The following ABR variants were observed in gnomAD, a reference collection of about 807,000 sequenced individuals.
ABR encodes ABR activator of RhoGEF and GTPase.
In ABR, 35 loss-of-function variants were observed where a neutral mutation model predicts 107.2. The ratio of observed to expected loss-of-function variants is 0.33; its 90% CI spans 0.25 to 0.43. The LOEUF is 0.43. ABR is among the 20% of genes least tolerant of loss of function. The pLI is 1.00. For synonymous variants in ABR, 498 were observed against 462.0 expected, an observed-to-expected ratio of 1.08 and a Z score of -1.00; for missense variants, 815 against 1,115.2, an observed-to-expected ratio of 0.73 and a Z score of 3.83.
chr17:1,202,502 C>T (rs975858781), intron 1 of ABR, among the ~76,000 whole-genome samples: 10 of 152,194 alleles, frequency 6.6e-5, no homozygotes, highest in South Asian at 2.1e-4. Context: ...CAAACACACA[C>T]GTGCCCACTC....
rs756731550 is a variant in ABR at position 1,058,865 on chromosome 17, T to C, written c.1185A>G (p.Lys395=). The C allele has an allele frequency of 3.1e-6, 5 of 1,614,002 alleles. No individual in the cohort carries two copies. In the African/African-American group the frequency reaches 5.3e-5, roughly 17 times the overall value. ...TGGCCCGGCTCTGGCCTTTGTTGGC[T>C]TTCTGCAGGAGATGGGGACACAGAG... is the stretch of plus-strand genomic sequence containing the variant. The part of the protein sequence containing the change: ...SALKSEIQKE[K]ANKGQSRAIE... Residue 395 remains lysine (K), a splice_region_variant and synonymous_variant, in exon 11 of 23, where the codon AAA becomes AAG. Coordinates refer to ENST00000302538, the MANE Select transcript of ABR (RefSeq NM_021962.5).
At chr17:1,213,887 G>A (rs892246300) in intron 1 of ABR, among the ~76,000 whole-genome samples, 3 of 151,752 alleles carry the variant, frequency 2.0e-5, no homozygotes, top group African/African-American at 7.3e-5. Flanking sequence ...GATGTGAAAT[G>A]GTTTGTTTTT....
chr17:1,036,005 C>G (rs1210000777), intron 16 of ABR, among the ~76,000 whole-genome samples: 1 of 151,984 alleles, frequency 6.6e-6, no homozygotes, highest in Non-Finnish European at 1.5e-5. Flanking sequence ...GCCTCGGTGA[C>G]AGCTGGGGGT....
In ABR at chr17:1,063,475, T is replaced by C. The variant is rs1361634000; in HGVS notation, c.1182+3602A>G. Reference sequence around the variant, plus strand: ...GCTATGCATGTTCCTCTAGACGCTGTTGTTATGTGAACTGAGGGCTATGCA... The same window carrying C: ...GCTATGCATGTTCCTCTAGACGCTGCTGTTATGTGAACTGAGGGCTATGCA... On this transcript the variant is annotated intron_variant, in intron 10 of 22. Coordinates refer to ENST00000302538, the MANE Select transcript of ABR (RefSeq NM_021962.5). Among the ~76,000 whole-genome samples, 210 of 142,882 alleles carry C rather than the reference T, an allele frequency of 1.5e-3. 2 individuals are homozygous for C. The highest frequency in any genetic ancestry group is 5.0e-3 in the African/African-American group (193 of 38,650). The allele number at this position is 142,882 out of a possible 152,430, so 93.7% of individuals were successfully genotyped here. A position where few individuals can be genotyped will look rare whatever the true frequency, so the allele number is the denominator to read the frequency against.
intron 1 of ABR, among the ~76,000 whole-genome samples, chr17:1,217,707 T>G (rs2043040458): frequency 6.6e-6 from 1 of 152,162 alleles, no homozygotes; most frequent in South Asian, 2.1e-4. Flanking sequence ...TTTGTTTTGT[T>G]TTTTTGAGAC....
chr17:1,191,116 G>C (rs945007866), upstream of ABR, among the ~76,000 whole-genome samples: 3 of 152,164 alleles, frequency 2.0e-5, no homozygotes, highest in Non-Finnish European at 4.4e-5. Context: ...GTGCCCAGGG[G>C]AGAGGCTCCT....
intron 1 of ABR, among the ~76,000 whole-genome samples, chr17:1,171,707 G>A (rs1468054867): frequency 3.3e-5 from 5 of 152,134 alleles, no homozygotes; most frequent in Non-Finnish European, 7.3e-5. Context: ...CGAGGTGGGC[G>A]GATCACCTGA....
rs556217187 is a variant in ABR at position 1,136,491 on chromosome 17, A to T, written c.62-11124T>A. 2.0e-5 allele frequency among the ~76,000 whole-genome samples: 3 copies of T among 152,278 alleles called. No individual in the cohort carries two copies. In the South Asian group the frequency reaches 6.2e-4, roughly 32 times the overall value. On this transcript the variant is annotated intron_variant, in intron 1 of 22. Coordinates refer to ENST00000302538, the MANE Select transcript of ABR (RefSeq NM_021962.5). ...TGATCCACCCACCTCGGCCTCCCAC[A>T]GTGCTGGGATTACAGGCGTGAGCCA...
At chr17:1,211,329 A>G (rs149764771) in intron 1 of ABR, among the ~76,000 whole-genome samples, 1 of 151,968 alleles carries the variant, frequency 6.6e-6, no homozygotes, top group East Asian at 1.9e-4. Flanking sequence ...AAAAATAAAT[A>G]AAAATATGGA....
At chr17:1,103,410 C>T (rs1179963788) in intron 2 of ABR, among the ~76,000 whole-genome samples, 1 of 152,172 alleles carries the variant, frequency 6.6e-6, no homozygotes, top group Non-Finnish European at 1.5e-5. Flanking sequence ...ATCCCCTGTG[C>T]TGGGGGCTAG....
intron 3 of ABR, among the ~76,000 whole-genome samples, chr17:1,097,590 CAA>C (rs57256346): frequency 1.4e-3 from 150 of 104,758 alleles, no homozygotes; most frequent in African/African-American, 5.3e-3. Flanking sequence ...GACTCCGTCT[CAA>C]AAAAAAAAAA....
In ABR at chr17:1,072,719, G is replaced by T; in HGVS notation, c.789C>A (p.Asp263Glu). 6.2e-7 allele frequency: 1 copy of T among 1,613,836 alleles called. No individual in the cohort carries two copies. The highest frequency in any genetic ancestry group is 8.5e-7 in the Non-Finnish European group (1 of 1,179,908). ...GGAGGGCATCCTGCAGCAGCGGGTAGTCGGGGTGGTCCACAGGTGTGTGCT... is the reference window on the plus strand; with the variant it reads ...GGAGGGCATCCTGCAGCAGCGGGTATTCGGGGTGGTCCACAGGTGTGTGCT... The part of the protein sequence containing the change: ...LLKHTPVDHP[D>E]YPLLQDALRI... Residue 263 changes from aspartate to glutamate, a missense_variant, in exon 8 of 23, where the codon GAC (aspartate) becomes GAA (glutamate). Physicochemically the swap from Asp to Glu is conservative, Grantham distance 45 (BLOSUM62 2). Transcript: ENST00000302538.
chr17:1,007,381 G>A, intron 21 of ABR, 69 bp from the exon 22 acceptor site: 1 of 1,588,872 alleles, frequency 6.3e-7, no homozygotes, highest in South Asian at 1.1e-5. Flanking sequence ...AGGACCCTTG[G>A]CCTTCGCTGT....
intron 1 of ABR, among the ~76,000 whole-genome samples, chr17:1,164,879 G>T (rs1043940893): frequency 6.6e-6 from 1 of 152,112 alleles, no homozygotes; most frequent in African/African-American, 2.4e-5. Flanking sequence ...TGTTGCCCAG[G>T]CTGGTCTCGA....
rs116496344 is a variant in ABR, at chr17:1,025,681, C to T, written c.1792-12517G>A. 3.4e-3 allele frequency among the ~76,000 whole-genome samples: 520 copies of T among 152,316 alleles called. 9 individuals carry two copies. The highest frequency in any genetic ancestry group is 5.2e-3 in the African/African-American group (217 of 41,560). On this transcript the variant is annotated intron_variant, in intron 16 of 22. Transcript: ENST00000302538. ...GAATTCTTCTTGTCATTTAAATCTTCGTTCAAAAGTGATCCTCTCAAGCCA... is the reference window on the plus strand; with the variant it reads ...GAATTCTTCTTGTCATTTAAATCTTTGTTCAAAAGTGATCCTCTCAAGCCA...
At chr17:1,098,355 G>T (rs2037626062) in intron 3 of ABR, among the ~76,000 whole-genome samples, 1 of 152,078 alleles carries the variant, frequency 6.6e-6, no homozygotes, top group South Asian at 2.1e-4. Context: ...GGGATTACAG[G>T]CTTGAGACAC....
At chr17:1,013,267 G>C in intron 16 of ABR, 103 bp from the exon 17 acceptor site, 1 of 1,146,650 alleles carries the variant, frequency 8.7e-7, no homozygotes. Context: ...CAGTCAGGAA[G>C]GCGGAAGTGA....
At chr17:1,104,245 G>T (rs540140571) in intron 2 of ABR, among the ~76,000 whole-genome samples, 1 of 152,206 alleles carries the variant, frequency 6.6e-6, no homozygotes. Context: ...TAGGCTGACA[G>T]TGTGGCAGCT....
At chr17:1,034,353 T>C (rs1261895632) in intron 16 of ABR, among the ~76,000 whole-genome samples, 2 of 152,038 alleles carry the variant, frequency 1.3e-5, no homozygotes, top group African/African-American at 2.4e-5. Flanking sequence ...AAGTCAGTGC[T>C]TGACAAAGGG....
Sources: gnomAD v4.1 joint callset for allele counts (sites outside exome capture counted in the v4.1 genomes callset) on GRCh38, gnomAD v4.1.1 for gene constraint, MANE v1.5 for transcripts, NCBI Gene and HGNC (gene_info 2026-07-23, HGNC 2026-07-21) for gene names.